The following PRKD3 variants were observed in gnomAD, a reference collection of about 807,000 sequenced individuals.
PRKD3 encodes the protein serine/threonine-protein kinase D3.
A neutral mutation model predicts 99.2 loss-of-function variants in PRKD3; 47 were observed. The observed-to-expected ratio is 0.47, with a 90% CI of 0.38 to 0.60. The LOEUF is 0.60. Among genes scored for constraint, PRKD3 ranks in the 20% least tolerant of loss-of-function variants. The probability of loss-of-function intolerance (pLI) is 0.00; values close to 1 mark genes in which losing one functional copy is unlikely to be tolerated. For synonymous variants in PRKD3, 392 were observed against 355.4 expected (o/e 1.10, Z -1.16); for missense variants, 1,019 against 1,088.4 (o/e 0.94, Z 0.90).
intron 10 of PRKD3, 43 bp downstream of exon 10, chr2:37,275,724 C>A: frequency 1.3e-6 from 2 of 1,525,570 alleles, no homozygotes; most frequent in Admixed American, 2.1e-5. Context: ...AAAAAACATA[C>A]ACTATCTTAA....
chr2:37,297,127 G>T (rs1009458133), intron 2 of PRKD3, among the ~76,000 whole-genome samples: 2 of 151,924 alleles, frequency 1.3e-5, no homozygotes, highest in Non-Finnish European at 2.9e-5. Context: ...CAGAAAATAG[G>T]TTTTCACGCA....
rs572652569 is a variant in PRKD3, at chr2:37,254,192, A to AT, written c.2499+11dup. 7.8e-4 allele frequency: 1,207 copies of AT among 1,553,494 alleles called. 6 individuals are homozygous for AT. The highest frequency in any genetic ancestry group is 5.6e-3 in the South Asian group (499 of 88,650). On this transcript the variant is annotated intron_variant, in intron 18 of 18. Transcript: ENST00000234179. ...ATGAGGATTGCCAAAGAGAGATTAC[A>AT]TTTTTTTTTACCTGTAGCCAGGGAT...
At chr2:37,266,540 G>A (rs1029156514) in intron 14 of PRKD3, among the ~76,000 whole-genome samples, 2 of 151,270 alleles carry the variant, frequency 1.3e-5, no homozygotes, top group Non-Finnish European at 2.9e-5. Flanking sequence ...AGGCTGGAGT[G>A]CAATGGCACA....
At chr2:37,320,751 T>C (rs535158521) in intron 1 of PRKD3, among the ~76,000 whole-genome samples, 13 of 152,164 alleles carry the variant, frequency 8.5e-5, no homozygotes, top group Non-Finnish European at 1.6e-4. Flanking sequence ...TACTTCTACT[T>C]TGATGAATGT....
At chr2:37,321,614 G>C (rs6711685) in intron 1 of PRKD3, among the ~76,000 whole-genome samples, 16,629 of 152,156 alleles carry the variant, frequency 0.11, 1,132 homozygotes, top group African/African-American at 0.19. Context: ...TGGAGTTATA[G>C]AGCAGTGACC....
chr2:37,316,135 C>T lies in PRKD3; in HGVS notation c.288+102G>A, dbSNP rs529426979. On this transcript the variant is annotated intron_variant, in intron 2 of 18. Transcript: ENST00000234179. ...CTCTTCCAAAAATGCACAGAATAAACTACTGATGGATCAGTATGTCTTAAC... is the reference window on the plus strand; with the variant it reads ...CTCTTCCAAAAATGCACAGAATAAATTACTGATGGATCAGTATGTCTTAAC... 163 of 1,198,674 alleles carry T rather than the reference C, an allele frequency of 1.4e-4. 7 individuals are homozygous for T. In the Admixed American group the frequency reaches 3.0e-3, roughly 22 times the overall value. 74.3% of individuals were successfully genotyped at this position (1,198,674 alleles called of 1,614,324 possible). A position where few individuals can be genotyped will look rare whatever the true frequency, so the allele number is the denominator to read the frequency against.
At position 37,251,026 on chromosome 2, in the gene PRKD3, G is replaced by GTAA. The variant is rs962312587; in HGVS notation, c.*2148_*2150dup. On this transcript the variant is annotated 3_prime_UTR_variant, in exon 19 of 19. Coordinates refer to ENST00000234179, the MANE Select transcript of PRKD3 (RefSeq NM_005813.6). ...TTCATGGCTTGTAAAGTTTGACTAT[G>GTAA]TAAGTATAGCAAACAAACATCGTTC... is the stretch of plus-strand genomic sequence containing the variant. The GTAA allele has an allele frequency of 1.3e-5, 2 of 151,340 alleles. No homozygotes were observed. Among genetic ancestry groups the GTAA allele is most frequent in the Non-Finnish European group, 2.9e-5 (2 of 67,990 alleles). The allele number at this position is 151,340 out of a possible 1,614,324, so 9.4% of individuals were successfully genotyped here.
At chr2:37,279,957 GT>G in intron 7 of PRKD3, 28 bp from the exon 8 acceptor site, 1 of 1,482,032 alleles carries the variant, frequency 6.7e-7, no homozygotes, top group Non-Finnish European at 9.2e-7. Context: ...GAATTTCAGA[GT>G]TTTATATTAA....
chr2:37,285,828 C>T (rs774944162), intron 6 of PRKD3, among the ~76,000 whole-genome samples: 1 of 152,100 alleles, frequency 6.6e-6, no homozygotes, highest in African/African-American at 2.4e-5. Context: ...CCTATTACTA[C>T]TAACTCCTAT....
In PRKD3 at chr2:37,279,931, TG is replaced by T. The variant is rs781227861; in HGVS notation, c.989-3del. On this transcript the variant is annotated splice_polypyrimidine_tract_variant and splice_region_variant and intron_variant, in intron 7 of 18. Coordinates refer to ENST00000234179, the MANE Select transcript of PRKD3 (RefSeq NM_005813.6). ...TATCTGTTCCCAGACTGGAAGGTTC[TG>T]GGAAAATTTTAAATGAATTTCAGAG... is the stretch of plus-strand genomic sequence containing the variant. 2 of 1,582,370 alleles carry T rather than the reference TG, an allele frequency of 1.3e-6. No homozygotes were observed. Among genetic ancestry groups the T allele is most frequent in the Non-Finnish European group, 1.7e-6 (2 of 1,166,806 alleles).
intron 14 of PRKD3, among the ~76,000 whole-genome samples, chr2:37,265,285 G>C (rs1668759592): frequency 6.6e-6 from 1 of 152,156 alleles, no homozygotes; most frequent in South Asian, 2.1e-4. Flanking sequence ...TCCAACCCAT[G>C]TGAAAAAGTT....
At position 37,269,699 on chromosome 2, in the gene PRKD3, A is replaced by T; in HGVS notation, c.1705-12T>A. The T allele has an allele frequency of 2.5e-6, 4 of 1,578,438 alleles. No homozygotes were observed. In the South Asian group the frequency reaches 4.4e-5, roughly 18 times the overall value. On this transcript the variant is annotated splice_polypyrimidine_tract_variant and intron_variant, in intron 12 of 18. Transcript: ENST00000234179. ...ACAGTACTGATATCCTGGTAGGATA[A>T]AGTAAGGAGTTAGTATTATTTATTT...
chr2:37,260,438 TAATATCTAG>T (rs1227907923), intron 14 of PRKD3, 54 bp from the exon 15 acceptor site: 1 of 1,480,004 alleles, frequency 6.8e-7, no homozygotes, highest in Non-Finnish European at 9.4e-7. Flanking sequence ...ACAGTTTTAC[TAATATCTAG>T]ATGTGCTATG....
chr2:37,281,873 A>T (rs1669872674), intron 7 of PRKD3, among the ~76,000 whole-genome samples: 1 of 152,200 alleles, frequency 6.6e-6, no homozygotes, highest in Admixed American at 6.5e-5. Context: ...CTGAAAGTCT[A>T]GAGTCCTTAC....
At chr2:37,301,079 T>C (rs984269086) in intron 2 of PRKD3, among the ~76,000 whole-genome samples, 19 of 152,236 alleles carry the variant, frequency 1.2e-4, no homozygotes, top group Admixed American at 1.2e-3. Flanking sequence ...TGTATTTTCT[T>C]TTCTGTAAAT....
At chr2:37,284,375 C>T (rs971715441) in intron 6 of PRKD3, among the ~76,000 whole-genome samples, 1 of 152,082 alleles carries the variant, frequency 6.6e-6, no homozygotes, top group African/African-American at 2.4e-5. Flanking sequence ...GTTGAATAAT[C>T]CAGTAGCAGA....
chr2:37,280,014 A>G (rs988301304), intron 7 of PRKD3, 85 bp from the exon 8 acceptor site: 2 of 864,914 alleles, frequency 2.3e-6, no homozygotes, highest in East Asian at 2.9e-5. Context: ...GAGTCTTAAA[A>G]TGTAAGAAAA....
At chr2:37,262,760 C>A (rs1456088115) in intron 14 of PRKD3, among the ~76,000 whole-genome samples, 3 of 152,138 alleles carry the variant, frequency 2.0e-5, no homozygotes, top group South Asian at 4.1e-4. Context: ...CCCTTAACAA[C>A]TTCCTCTATT....
intron 3 of PRKD3, among the ~76,000 whole-genome samples, chr2:37,291,361 C>T (rs1242524574): frequency 1.3e-5 from 2 of 152,218 alleles, no homozygotes; most frequent in African/African-American, 4.8e-5. Flanking sequence ...AACTTAACTT[C>T]AATTTATGGA....
Sources: gnomAD v4.1 joint callset for allele counts (sites outside exome capture counted in the v4.1 genomes callset) on GRCh38, gnomAD v4.1.1 for gene constraint, MANE v1.5 for transcripts, NCBI Gene and HGNC (gene_info 2026-07-23, HGNC 2026-07-21) for gene names.